MEI1: variants seen among roughly 807,000 people sequenced by gnomAD.
MEI1 encodes meiotic double-stranded break formation protein 1, also known as meiosis inhibitor protein 1.
MEI1 carries 103 observed loss-of-function variants against 146.2 expected under a neutral mutation model. That is an observed-to-expected ratio of 0.70 (90% CI 0.60 to 0.83). The LOEUF (loss-of-function observed/expected upper bound fraction) is 0.83, where lower values mean the gene tolerates loss of function less well. Ranked by LOEUF, MEI1 falls within the 40% of genes least tolerant of loss-of-function variation. The pLI, the probability that MEI1 is intolerant of heterozygous loss-of-function variation, is 0.00. For synonymous variants in MEI1, 652 were observed against 628.2 expected (o/e 1.04, Z -0.57); for missense variants, 1,529 against 1,533.0 (o/e 1.00, Z 0.04).
chr22:41,710,644 G>C (rs1181940027), intron 3 of MEI1, among the ~76,000 whole-genome samples: 1 of 152,134 alleles, frequency 6.6e-6, no homozygotes, highest in African/African-American at 2.4e-5. Context: ...GAATTTTATG[G>C]GTGTGATCCC....
At chr22:41,763,032 C>T in intron 18 of MEI1, 142 bp from the exon 19 acceptor site, 1 of 804,924 alleles carries the variant, frequency 1.2e-6, no homozygotes, top group Non-Finnish European at 2.0e-6. Flanking sequence ...ATGTATAGCA[C>T]ACTGTTTGTC....
chr22:41,770,136 G>GAA (rs57338228), intron 19 of MEI1, among the ~76,000 whole-genome samples: 2 of 144,424 alleles, frequency 1.4e-5, no homozygotes, highest in Admixed American at 6.9e-5. Flanking sequence ...CTCTGTCTCA[G>GAA]AAAAAAAAAA....
intron 12 of MEI1, 58 bp downstream of exon 12, chr22:41,743,252 G>C (rs941863892): frequency 1.1e-5 from 14 of 1,248,844 alleles, no homozygotes; most frequent in Non-Finnish European, 1.6e-5. Context: ...TTTTTAGAAA[G>C]ATAATTAGTA....
intron 11 of MEI1, among the ~76,000 whole-genome samples, chr22:41,738,460 G>T (rs2072574384): frequency 6.6e-6 from 1 of 152,034 alleles, no homozygotes. Flanking sequence ...AGTGGCGGGT[G>T]CCTGTAATTC....
chr22:41,771,489 G>T (rs1231024492), intron 20 of MEI1, among the ~76,000 whole-genome samples: 1 of 152,086 alleles, frequency 6.6e-6, no homozygotes, highest in Non-Finnish European at 1.5e-5. Flanking sequence ...AGGGTGCAGT[G>T]CCGTGGCATG....
intron 3 of MEI1, among the ~76,000 whole-genome samples, chr22:41,706,097 C>T (rs2069075326): frequency 6.6e-6 from 1 of 152,086 alleles, no homozygotes; most frequent in Non-Finnish European, 1.5e-5. Flanking sequence ...TAGCTCACTG[C>T]AGCCTTGAAC....
At chr22:41,768,108 G>A (rs1473523469) in intron 19 of MEI1, among the ~76,000 whole-genome samples, 1 of 152,146 alleles carries the variant, frequency 6.6e-6, no homozygotes, top group Non-Finnish European at 1.5e-5. Context: ...TAGGCCGGGC[G>A]CAGTTGCTCA....
At chr22:41,786,992 T>A (rs890287490) in intron 26 of MEI1, among the ~76,000 whole-genome samples, 1 of 152,184 alleles carries the variant, frequency 6.6e-6, no homozygotes, top group African/African-American at 2.4e-5. Context: ...GGTTGTTGAG[T>A]CTTGTCCTGT....
At chr22:41,711,589 T>C (rs909737846) in intron 3 of MEI1, among the ~76,000 whole-genome samples, 1 of 152,192 alleles carries the variant, frequency 6.6e-6, no homozygotes, top group African/African-American at 2.4e-5. Context: ...GGGTGAGGGG[T>C]GAAGGACTTG....
chr22:41,730,456 C>A, intron 8 of MEI1, 65 bp from the exon 9 acceptor site: 1 of 1,076,518 alleles, frequency 9.3e-7, no homozygotes, highest in Non-Finnish European at 1.4e-6. Flanking sequence ...AAGGCCTTAG[C>A]ATCAGTTAAG....
At chr22:41,766,978 G>A (rs962953319) in intron 19 of MEI1, among the ~76,000 whole-genome samples, 4 of 152,208 alleles carry the variant, frequency 2.6e-5, no homozygotes, top group Admixed American at 1.3e-4. Flanking sequence ...ACTGGAGGCA[G>A]GGAAGCTCTT....
In MEI1 at chr22:41,759,945, G is replaced by A. The variant is rs969692167; in HGVS notation, c.2120+1412G>A. On this transcript the variant is annotated intron_variant, in intron 18 of 30. Transcript: ENST00000401548. ...TCCCAGCACTTTGGGAGGCCGAGGC[G>A]GGTGGATCACCTGAGGTCAGGAGTT... Among the ~76,000 whole-genome samples, 7 of 152,186 alleles carry A rather than the reference G, an allele frequency of 4.6e-5. No homozygotes were observed. In the East Asian group the frequency reaches 5.8e-4, roughly 13 times the overall value.
chr22:41,776,858 C>T (rs897282990), intron 21 of MEI1, among the ~76,000 whole-genome samples: 4 of 151,882 alleles, frequency 2.6e-5, no homozygotes, highest in South Asian at 4.1e-4. Flanking sequence ...CTGTCACCCA[C>T]GCTGGAGTGC....
chr22:41,702,433 C>T (rs1173918584), intron 1 of MEI1, among the ~76,000 whole-genome samples: 1 of 151,590 alleles, frequency 6.6e-6, no homozygotes, highest in African/African-American at 2.4e-5. Context: ...GCCACTGCAC[C>T]CGGCTTGAAC....
At chr22:41,732,690 C>A in intron 11 of MEI1, 87 bp downstream of exon 11, 1 of 1,392,700 alleles carries the variant, frequency 7.2e-7, no homozygotes, top group Non-Finnish European at 9.7e-7. Context: ...TTAAGTATCC[C>A]TAGATTACTT....
At chr22:41,742,998 C>A in intron 11 of MEI1, 82 bp from the exon 12 acceptor site, 1 of 886,274 alleles carries the variant, frequency 1.1e-6, no homozygotes, top group Non-Finnish European at 1.8e-6. Context: ...AACTGCACTG[C>A]CTCTCATTGC....
chr22:41,706,351 A>G (rs1343851502), intron 3 of MEI1, among the ~76,000 whole-genome samples: 1 of 152,114 alleles, frequency 6.6e-6, no homozygotes, highest in Non-Finnish European at 1.5e-5. Flanking sequence ...ACTCTGTGCT[A>G]GATACTGGAT....
At position 41,699,716 on chromosome 22, in the gene MEI1, C is replaced by G. The variant is rs1382528598; in HGVS notation, c.174+4C>G. On this transcript the variant is annotated splice_donor_region_variant and intron_variant, in intron 1 of 30. Transcript: ENST00000401548. Reference sequence around the variant, plus strand: ...GCTGCCGGACCCCGGCGTGTCGGTGCGGGCGGAACCTTTTCTTCAGAAGAC... The same window carrying G: ...GCTGCCGGACCCCGGCGTGTCGGTGGGGGCGGAACCTTTTCTTCAGAAGAC... The G allele has an allele frequency of 6.4e-7, 1 of 1,555,968 alleles. No individual in the cohort carries two copies. The highest frequency in any genetic ancestry group is 2.0e-5 in the Admixed American group (1 of 50,964).
chr22:41,762,141 A>G (rs1233049394), intron 18 of MEI1, among the ~76,000 whole-genome samples: 1 of 152,036 alleles, frequency 6.6e-6, no homozygotes, highest in African/African-American at 2.4e-5. Flanking sequence ...CTTTTTGGGT[A>G]TATTCTCAAT....
Sources: gnomAD v4.1 joint callset for allele counts (sites outside exome capture counted in the v4.1 genomes callset) on GRCh38, gnomAD v4.1.1 for gene constraint, MANE v1.5 for transcripts, NCBI Gene and HGNC (gene_info 2026-07-23, HGNC 2026-07-21) for gene names.